Variants in TRIM44 observed in about 807,000 individuals in gnomAD.
The protein encoded by TRIM44 is tripartite motif containing 44.
Under a neutral mutation model 37.4 loss-of-function variants are expected in TRIM44, and 13 were observed. The observed-to-expected ratio is 0.35, with a 90% CI of 0.23 to 0.55. The LOEUF (loss-of-function observed/expected upper bound fraction) is 0.55. TRIM44 is among the 20% of genes least tolerant of loss of function. The pLI is 0.89. For synonymous variants in TRIM44, 175 were observed against 157.2 expected (o/e 1.11, Z -0.85); for missense variants, 426 against 437.2 (o/e 0.97, Z 0.23).
At chr11:35,703,096 G>A (rs1223059875) in intron 2 of TRIM44, among the ~76,000 whole-genome samples, 1 of 152,212 alleles carries the variant, frequency 6.6e-6, no homozygotes, top group Non-Finnish European at 1.5e-5. Context: ...CGGCGCACCA[G>A]GAGATTATAT....
intron 4 of TRIM44, among the ~76,000 whole-genome samples, chr11:35,760,121 T>A (rs934139912): frequency 6.6e-6 from 1 of 152,212 alleles, no homozygotes; most frequent in Non-Finnish European, 1.5e-5. Flanking sequence ...CAGGCCTCCT[T>A]GAGCTGTGGT....
intron 4 of TRIM44, among the ~76,000 whole-genome samples, chr11:35,749,056 G>C (rs967390981): frequency 2.6e-5 from 4 of 152,170 alleles, no homozygotes; most frequent in Admixed American, 1.3e-4. Flanking sequence ...GAGAGAGAGA[G>C]AGACAGAAAC....
At chr11:35,756,877 G>T (rs1489022647) in intron 4 of TRIM44, among the ~76,000 whole-genome samples, 1 of 152,170 alleles carries the variant, frequency 6.6e-6, no homozygotes, top group Non-Finnish European at 1.5e-5. Context: ...TGGTGGATAA[G>T]CTTTTTGATG....
intron 2 of TRIM44, among the ~76,000 whole-genome samples, chr11:35,700,193 A>G (rs1851766890): frequency 6.6e-6 from 1 of 152,242 alleles, no homozygotes; most frequent in African/African-American, 2.4e-5. Flanking sequence ...AGAGCAGATC[A>G]GTGCTTTAAG....
chr11:35,752,116 C>T (rs1852565892), intron 4 of TRIM44, among the ~76,000 whole-genome samples: 1 of 152,126 alleles, frequency 6.6e-6, no homozygotes, highest in African/African-American at 2.4e-5. Context: ...TATTCTGTCT[C>T]AGGCCAGTAG....
chr11:35,738,149 G>A (rs900568600), intron 4 of TRIM44, among the ~76,000 whole-genome samples: 2 of 152,206 alleles, frequency 1.3e-5, no homozygotes, highest in African/African-American at 4.8e-5. Context: ...CCACAGGATA[G>A]CAGTGGCATT....
intron 2 of TRIM44, among the ~76,000 whole-genome samples, chr11:35,707,301 G>A (rs866513521): frequency 5.3e-5 from 8 of 152,122 alleles, no homozygotes; most frequent in Admixed American, 3.3e-4. Flanking sequence ...ATGCTCATGG[G>A]TAGGAAGAAT....
chr11:35,691,376 C>T (rs1219010399), intron 2 of TRIM44, among the ~76,000 whole-genome samples: 1 of 152,180 alleles, frequency 6.6e-6, no homozygotes, highest in African/African-American at 2.4e-5. Context: ...AACAGCTTAC[C>T]CCTCTCATCC....
chr11:35,739,581 C>G lies in TRIM44; in HGVS notation c.1007+4136C>G, dbSNP rs1425888980. 2.6e-5 allele frequency among the ~76,000 whole-genome samples: 4 copies of G among 152,110 alleles called. No individual in the cohort carries two copies. The East Asian group carries it at 7.7e-4, about 29-fold the overall frequency. ...GGTTGCTTCCGCTCTCAGCCTCTGTCATTATAAAGGGAATGTCTTTGTCTC... is the reference window on the plus strand; with the variant it reads ...GGTTGCTTCCGCTCTCAGCCTCTGTGATTATAAAGGGAATGTCTTTGTCTC... On this transcript the variant is annotated intron_variant, in intron 4 of 4. Transcript: ENST00000299413.
intron 1 of TRIM44, among the ~76,000 whole-genome samples, chr11:35,669,725 T>G (rs1319559339): frequency 2.0e-5 from 3 of 152,004 alleles, no homozygotes; most frequent in Admixed American, 1.3e-4. Flanking sequence ...GTGATCCACC[T>G]GCCTTGGCCT....
At chr11:35,761,403 C>CTA (rs202088061) in intron 4 of TRIM44, among the ~76,000 whole-genome samples, 21,754 of 97,116 alleles carry the variant, frequency 0.22, 1,587 homozygotes, top group East Asian at 0.27. Flanking sequence ...CTCTCTCTCT[C>CTA]TCTATATATA....
intron 4 of TRIM44, among the ~76,000 whole-genome samples, chr11:35,793,826 G>A (rs1853248205): frequency 6.6e-6 from 1 of 152,096 alleles, no homozygotes; most frequent in African/African-American, 2.4e-5. Context: ...GTGGGACCTT[G>A]GGATGTTACT....
intron 4 of TRIM44, among the ~76,000 whole-genome samples, chr11:35,790,701 A>C (rs12363437): frequency 0.12 from 18,789 of 152,182 alleles, 1,503 homozygotes; most frequent in Non-Finnish European, 0.17. Context: ...TGTCTACATC[A>C]AGCAACCCTC....
chr11:35,663,206 T>G lies in TRIM44; in HGVS notation c.95T>G (p.Val32Gly). The change falls in exon 1 of 5, where the codon GTG (valine) becomes GGG (glycine). Residue 32 changes from valine to glycine, a missense_variant. Coordinates refer to ENST00000299413, the MANE Select transcript of TRIM44 (RefSeq NM_017583.6). ...EPDEAPGAEE[V>G]CRECGFCYCR... ...GACGAGGCTCCGGGGGCCGAGGAAG[T>G]GTGCCGAGAATGCGGCTTCTGCTAC... 4 of 1,600,526 alleles carry G rather than the reference T, an allele frequency of 2.5e-6. No individual in the cohort carries two copies. Among genetic ancestry groups the G allele is most frequent in the Non-Finnish European group, 3.4e-6 (4 of 1,172,376 alleles).
chr11:35,772,053 C>A (rs1852880033), intron 4 of TRIM44, among the ~76,000 whole-genome samples: 1 of 152,158 alleles, frequency 6.6e-6, no homozygotes, highest in Non-Finnish European at 1.5e-5. Context: ...CCCAGCCACT[C>A]CAGCCATGGC....
chr11:35,696,009 G>C (rs1469440443), intron 2 of TRIM44, among the ~76,000 whole-genome samples: 1 of 151,638 alleles, frequency 6.6e-6, no homozygotes, highest in Non-Finnish European at 1.5e-5. Context: ...GAAAGAAAAG[G>C]CAATTTTGAA....
intron 2 of TRIM44, among the ~76,000 whole-genome samples, chr11:35,703,040 G>A (rs556135262): frequency 5.0e-4 from 76 of 152,248 alleles, no homozygotes; most frequent in Middle Eastern, 3.4e-3. Flanking sequence ...TGGAAAATCG[G>A]GTCACTCCCA....
At chr11:35,742,491 T>A (rs1340224479) in intron 4 of TRIM44, among the ~76,000 whole-genome samples, 1 of 134,696 alleles carries the variant, frequency 7.4e-6, no homozygotes, top group East Asian at 2.0e-4. Flanking sequence ...AATTGTATTA[T>A]ATATAATTAT....
intron 3 of TRIM44, among the ~76,000 whole-genome samples, chr11:35,732,307 C>T (rs182260283): frequency 2.6e-5 from 4 of 152,242 alleles, no homozygotes; most frequent in Admixed American, 2.6e-4. Flanking sequence ...AGTCTGCCAT[C>T]AGATATCACA....
Sources: gnomAD v4.1 joint callset for allele counts (sites outside exome capture counted in the v4.1 genomes callset) on GRCh38, gnomAD v4.1.1 for gene constraint, MANE v1.5 for transcripts, NCBI Gene and HGNC (gene_info 2026-07-23, HGNC 2026-07-21) for gene names.